The following BTN1A1 variants were observed in gnomAD, a reference collection of about 807,000 sequenced individuals.
The protein encoded by BTN1A1 is butyrophilin subfamily 1 member A1.
A neutral mutation model predicts 33.1 loss-of-function variants in BTN1A1; 26 were observed. That is an observed-to-expected ratio of 0.79 (90% CI 0.58 to 1.09). The LOEUF is 1.09. Ranked by LOEUF, BTN1A1 falls within the 50% of genes least tolerant of loss-of-function variation. BTN1A1 has a pLI of 0.00. For missense variants in BTN1A1, 558 were observed against 655.7 expected (o/e 0.85, Z 1.63); for synonymous variants, 235 against 256.2 (o/e 0.92, Z 0.79).
intron 3 of BTN1A1, among the ~76,000 whole-genome samples, chr6:26,502,218 G>T (rs138604826): frequency 6.6e-4 from 100 of 152,320 alleles, no homozygotes; most frequent in African/African-American, 2.4e-3. Flanking sequence ...GGAAACAAAG[G>T]CTTGCTGGAT....
In BTN1A1 at chr6:26,508,858, T is replaced by C. The variant is rs1221162463; in HGVS notation, c.1265T>C (p.Val422Ala). The C allele has an allele frequency of 1.2e-6, 2 of 1,614,138 alleles. No individual in the cohort carries two copies. Among genetic ancestry groups the C allele is most frequent in the Admixed American group, 1.7e-5 (1 of 60,016 alleles). The change falls in exon 8 of 8, where the codon GTT becomes GCT. Residue 422 changes from valine (V) to alanine (A), a missense_variant. By Grantham distance (64) the Val-to-Ala change is moderately conservative. Coordinates refer to ENST00000684113, the MANE Select transcript of BTN1A1 (RefSeq NM_001732.3). The stretch of plus-strand genomic sequence containing the variant: ...CCATTGGCAGGGCCCCCACGCCGGG[T>C]TGGGATTTTCCTAGACTATGAATCA... ...PLPLAGPPRRVGIFLDYESGD... is the reference protein window; with the variant it reads ...PLPLAGPPRRAGIFLDYESGD...
chr6:26,501,878 C>A lies in BTN1A1; in HGVS notation c.368C>A (p.Thr123Lys), dbSNP rs142727954. The change falls in exon 3 of 8, where the codon ACG (threonine) becomes AAG (lysine). Residue 123 changes from threonine (T) to lysine (K), a missense_variant. Transcript: ENST00000684113. This position sits in a 1 kb window ranked among gnomAD's most constrained non-coding sequence, Gnocchi z 5.2. The stretch of plus-strand genomic sequence containing the variant: ...AGAGTCTCTGACGACGGGGAGTACA[C>A]GTGCTTTTTCAGGGAGGATGGAAGC... Reference protein sequence around the residue: ...GVRVSDDGEYTCFFREDGSYE... With the variant: ...GVRVSDDGEYKCFFREDGSYE... The A allele has an allele frequency of 4.4e-6, 7 of 1,604,630 alleles. No homozygotes were observed. The African/African-American group carries it at 8.0e-5, about 18-fold the overall frequency.
chr6:26,505,490 T>A (rs1763857463), intron 4 of BTN1A1, among the ~76,000 whole-genome samples: 1 of 152,190 alleles, frequency 6.6e-6, no homozygotes, highest in Non-Finnish European at 1.5e-5. Context: ...AGCAGAATGA[T>A]CTCAGCTCAC....
chr6:26,504,858 G>GCTCT, intron 3 of BTN1A1, 67 bp from the exon 4 acceptor site: 1 of 1,489,440 alleles, frequency 6.7e-7, no homozygotes, highest in Non-Finnish European at 9.2e-7. Context: ...AAACTATGTA[G>GCTCT]CTCTCTGGTT....
chr6:26,503,095 C>T (rs1763823986), intron 3 of BTN1A1, among the ~76,000 whole-genome samples: 1 of 151,970 alleles, frequency 6.6e-6, no homozygotes, highest in South Asian at 2.1e-4. Flanking sequence ...GAAGCAGAGG[C>T]AGGAGGATCT....
Position 26,508,585 on chromosome 6 carries a change from G to A in BTN1A1, c.992G>A (p.Arg331His), listed in dbSNP as rs778241200. 76 of 1,614,170 alleles carry A rather than the reference G, an allele frequency of 4.7e-5. No homozygotes were observed. Among genetic ancestry groups the A allele is most frequent in the East Asian group, 3.8e-4 (17 of 44,884 alleles). The change falls in exon 8 of 8, where the codon CGT (arginine) becomes CAT (histidine). Residue 331 changes from arginine to histidine, a missense_variant. Arg to His is a conservative substitution (Grantham distance 29). Coordinates refer to ENST00000684113, the MANE Select transcript of BTN1A1 (RefSeq NM_001732.3). ...AAATCTGTTCGACTGGAAGATTCAC[G>A]TCAGAAACTGCCTGAGAAAACAGAG... ...DSKSVRLEDS[R>H]QKLPEKTERF...
At position 26,505,106 on chromosome 6, in the gene BTN1A1, T is replaced by C; in HGVS notation, c.609T>C (p.Ala203=). 1 of 1,614,150 alleles carries C rather than the reference T, an allele frequency of 6.2e-7. No individual in the cohort carries two copies. Among genetic ancestry groups the C allele is most frequent in the Non-Finnish European group, 8.5e-7 (1 of 1,179,962 alleles). ...ATGAAGAAGGTTTGTTCACTGTGGC[T>C]GCTTCAGTGATCATCAGAGACACTT... ...NPDEEGLFTV[A]ASVIIRDTSA... The change falls in exon 4 of 8, where the codon GCT becomes GCC. Residue 203 remains alanine, a synonymous_variant. Transcript: ENST00000684113.
chr6:26,505,004 G>C lies in BTN1A1; in HGVS notation c.507G>C (p.Trp169Cys). The change falls in exon 4 of 8, where the codon TGG becomes TGC. Residue 169 changes from tryptophan to cysteine, a missense_variant. Trp to Cys is a radical substitution (Grantham distance 215). Transcript: ENST00000684113. ...GTCTGGAGTGCACCTCAGTGGGATG[G>C]TACCCAGAGCCCCAGGTGCAGTGGA... ...EICLECTSVG[W>C]YPEPQVQWRT... 6.2e-7 allele frequency: 1 copy of C among 1,614,166 alleles called. No individual in the cohort carries two copies. Among genetic ancestry groups the C allele is most frequent in the Non-Finnish European group, 8.5e-7 (1 of 1,180,026 alleles).
chr6:26,506,580 T>C, intron 4 of BTN1A1, 103 bp from the exon 5 acceptor site: 1 of 1,220,960 alleles, frequency 8.2e-7, no homozygotes, highest in Admixed American at 2.1e-5. Flanking sequence ...GGGATGAGAG[T>C]GGTCCAGGCC....
chr6:26,506,327 C>A (rs1386140719), intron 4 of BTN1A1, among the ~76,000 whole-genome samples: 7 of 152,082 alleles, frequency 4.6e-5, no homozygotes, highest in Admixed American at 1.3e-4. Context: ...CATTCTGTTA[C>A]ATACAGAGGC....
At chr6:26,505,813 T>C (rs1308266324) in intron 4 of BTN1A1, among the ~76,000 whole-genome samples, 1 of 151,836 alleles carries the variant, frequency 6.6e-6, no homozygotes, top group Non-Finnish European at 1.5e-5. Context: ...CCTTCTCTCC[T>C]CAAGTAAACA....
At chr6:26,505,947 C>A (rs1248426730) in intron 4 of BTN1A1, among the ~76,000 whole-genome samples, 3 of 151,702 alleles carry the variant, frequency 2.0e-5, no homozygotes, top group South Asian at 2.1e-4. Flanking sequence ...TGAAACCCCG[C>A]CTCTACTAAA....
chr6:26,503,658 T>A, intron 3 of BTN1A1, among the ~76,000 whole-genome samples: 1 of 147,978 alleles, frequency 6.8e-6, no homozygotes, highest in Non-Finnish European at 1.5e-5. Flanking sequence ...TATGCATATA[T>A]TATATATATA....
rs768049814 is a variant in BTN1A1, at chr6:26,508,975, G to C, written c.1382G>C (p.Cys461Ser). 1 of 1,614,116 alleles carries C rather than the reference G, an allele frequency of 6.2e-7. No individual in the cohort carries two copies. Among genetic ancestry groups the C allele is most frequent in the Non-Finnish European group, 8.5e-7 (1 of 1,180,028 alleles). ...TFSGPLRPFF[C>S]LWSSGKKPLT... ...TCTGGCCCCCTCCGGCCCTTCTTTT[G>C]CCTATGGTCTAGCGGTAAAAAGCCC... The change falls in exon 8 of 8, where the codon TGC (cysteine) becomes TCC (serine). Residue 461 changes from cysteine to serine, a missense_variant. Cys to Ser is a moderately radical substitution (Grantham distance 112). Transcript: ENST00000684113.
chr6:26,506,542 T>G, intron 4 of BTN1A1, 141 bp from the exon 5 acceptor site: 1 of 815,706 alleles, frequency 1.2e-6, no homozygotes, highest in Non-Finnish European at 2.0e-6. Context: ...TAGAGTGGCA[T>G]TGGAGTGACT....
chr6:26,504,220 TCTC>T (rs1351103105), intron 3 of BTN1A1, among the ~76,000 whole-genome samples: 1 of 152,172 alleles, frequency 6.6e-6, no homozygotes, highest in African/African-American at 2.4e-5. Flanking sequence ...TCGCCAATCC[TCTC>T]CTCAAGGATA....
chr6:26,510,080 C>A lies in BTN1A1; in HGVS notation c.*906C>A, dbSNP rs530692963. ...ACCACTTGCTCAGTCACCATCTCAACCTTATGTCACCTCAGCCCTCATCTC... is the reference window on the plus strand; with the variant it reads ...ACCACTTGCTCAGTCACCATCTCAAACTTATGTCACCTCAGCCCTCATCTC... On this transcript the variant is annotated 3_prime_UTR_variant, in exon 8 of 8. Coordinates refer to ENST00000684113, the MANE Select transcript of BTN1A1 (RefSeq NM_001732.3). The A allele has an allele frequency of 3.3e-5, 5 of 152,808 alleles. No homozygotes were observed. The South Asian group carries it at 1.0e-3, about 32-fold the overall frequency. The allele number at this position is 152,808 out of a possible 1,614,324, so 9.5% of individuals were successfully genotyped here. A position where few individuals can be genotyped will look rare whatever the true frequency, so the allele number is the denominator to read the frequency against.
intron 4 of BTN1A1, among the ~76,000 whole-genome samples, chr6:26,506,305 G>A (rs763695069): frequency 1.3e-5 from 2 of 151,680 alleles, no homozygotes; most frequent in East Asian, 1.9e-4. Flanking sequence ...TTATTCTTTG[G>A]TCAATGAGTC....
At chr6:26,508,414 C>T (rs572169690) in intron 7 of BTN1A1, 87 bp from the exon 8 acceptor site, 1 of 1,416,738 alleles carries the variant, frequency 7.1e-7, no homozygotes, top group African/African-American at 1.4e-5. Flanking sequence ...ACTCCTACAA[C>T]AGTGTTCTGT....
Sources: allele counts gnomAD v4.1 joint callset (sites outside exome capture counted in the v4.1 genomes callset), GRCh38; gene constraint gnomAD v4.1.1; non-coding constraint Gnocchi (gnomAD v3.1); transcripts MANE v1.5; gene names NCBI Gene and HGNC (gene_info 2026-07-23, HGNC 2026-07-21).